The following NEDD4L variants were observed in gnomAD, a reference collection of about 807,000 sequenced individuals.
NEDD4L encodes the protein NEDD4 like E3 ubiquitin protein ligase, also known as E3 ubiquitin-protein ligase NEDD4-like.
In NEDD4L, 54 loss-of-function variants were observed where a neutral mutation model predicts 148.9. The ratio of observed to expected loss-of-function variants is 0.36; its 90% CI spans 0.29 to 0.45. The LOEUF is 0.45. Ranked by LOEUF, NEDD4L falls within the 20% of genes least tolerant of loss-of-function variation. The probability of loss-of-function intolerance (pLI) is 1.00; values close to 1 mark genes in which losing one functional copy is unlikely to be tolerated. For synonymous variants in NEDD4L, 433 were observed against 440.7 expected (o/e 0.98, Z 0.22); for missense variants, 856 against 1,233.8 (o/e 0.69, Z 4.59).
intron 5 of NEDD4L, among the ~76,000 whole-genome samples, chr18:58,252,798 T>C (rs989739565): frequency 3.3e-5 from 5 of 152,172 alleles, no homozygotes; most frequent in African/African-American, 4.8e-5. Flanking sequence ...CGTAGCTCAC[T>C]GTAACCTCAA....
At chr18:58,070,914 TG>T (rs2082838962) in intron 1 of NEDD4L, among the ~76,000 whole-genome samples, 2 of 152,084 alleles carry the variant, frequency 1.3e-5, no homozygotes, top group African/African-American at 4.8e-5. Flanking sequence ...AAACAAACCC[TG>T]GGATGGGGGA....
At chr18:58,260,791 T>C (rs1488825035) in intron 5 of NEDD4L, among the ~76,000 whole-genome samples, 1 of 152,220 alleles carries the variant, frequency 6.6e-6, no homozygotes, top group Non-Finnish European at 1.5e-5. Context: ...CTTCATTTGG[T>C]GTCTTGCAGC....
chr18:58,044,689 A>G lies in NEDD4L; in HGVS notation c.29A>G (p.Tyr10Cys), dbSNP rs760237657. 9 of 1,608,560 alleles carry G rather than the reference A, an allele frequency of 5.6e-6. No homozygotes were observed. Among genetic ancestry groups the G allele is most frequent in the Admixed American group, 3.4e-5 (2 of 59,582 alleles). The stretch of plus-strand genomic sequence containing the variant: ...GCGACCGGGCTCGGGGAGCCGGTCT[A>G]TGGACTTTCCGAAGACGAGGTGAGT... MATGLGEPV[Y>C]GLSEDEGESR... The change falls in exon 1 of 31, where the codon TAT becomes TGT. Residue 10 changes from tyrosine (Y) to cysteine (C), a missense_variant. Around this residue, in one of 4 missense-constraint regions of NEDD4L, gnomAD observed 193 missense variants for 244.2 expected, o/e 0.79. Coordinates refer to ENST00000400345, the MANE Select transcript of NEDD4L (RefSeq NM_001144967.3).
At chr18:58,335,412 C>A in intron 12 of NEDD4L, 66 bp from the exon 13 acceptor site, 1 of 1,314,916 alleles carries the variant, frequency 7.6e-7, no homozygotes, top group Non-Finnish European at 1.1e-6. Flanking sequence ...CAGCAGTGGG[C>A]CCTGATTCAG....
intron 1 of NEDD4L, among the ~76,000 whole-genome samples, chr18:58,070,255 TTTTATTTA>T (rs559040396): frequency 1.3e-5 from 2 of 151,832 alleles, no homozygotes; most frequent in South Asian, 2.1e-4. Flanking sequence ...TTTATTTTTA[TTTTATTTA>T]TTTATTTATT....
rs1466412875 is a variant in NEDD4L, at chr18:58,350,947, C to A, written c.1654-44C>A. ...TTGCCTTTGATTTCAGAACTCCTAG[C>A]TAATGTTTATATTTTCTCTCTCCCT... On this transcript the variant is annotated intron_variant, in intron 17 of 30. Coordinates refer to ENST00000400345, the MANE Select transcript of NEDD4L (RefSeq NM_001144967.3). 2.0e-6 allele frequency: 3 copies of A among 1,472,572 alleles called. No individual in the cohort carries two copies. The South Asian group carries it at 3.6e-5, about 18-fold the overall frequency. The allele number at this position is 1,472,572 out of a possible 1,614,324, so 91.2% of individuals were successfully genotyped here.
At chr18:58,217,532 T>C (rs1336129185) in intron 2 of NEDD4L, among the ~76,000 whole-genome samples, 1 of 152,202 alleles carries the variant, frequency 6.6e-6, no homozygotes, top group Non-Finnish European at 1.5e-5. Flanking sequence ...TGTGGTGCCA[T>C]GGTGTGATTG....
chr18:58,299,896 G>T (rs758547061), intron 5 of NEDD4L, among the ~76,000 whole-genome samples: 6 of 152,152 alleles, frequency 3.9e-5, no homozygotes, highest in Non-Finnish European at 7.3e-5. Flanking sequence ...TTTATGATCT[G>T]CCAGATGTTA....
chr18:58,387,252 C>T (rs1169139107), intron 26 of NEDD4L, among the ~76,000 whole-genome samples, 187 bp from the exon 27 acceptor site: 4 of 152,066 alleles, frequency 2.6e-5, no homozygotes, highest in South Asian at 2.1e-4. Flanking sequence ...TATGCTTTTT[C>T]GAAACTGTTA....
intron 2 of NEDD4L, among the ~76,000 whole-genome samples, chr18:58,180,308 G>C (rs1244093400): frequency 2.0e-5 from 3 of 152,094 alleles, no homozygotes; most frequent in Non-Finnish European, 4.4e-5. Context: ...ATCTGTCTGT[G>C]TGACCCGGGT....
chr18:58,096,256 T>C (rs764729848), intron 1 of NEDD4L, among the ~76,000 whole-genome samples: 1 of 152,018 alleles, frequency 6.6e-6, no homozygotes, highest in Non-Finnish European at 1.5e-5. Context: ...ATTGAATCAA[T>C]TACATTTTCA....
At chr18:58,113,229 C>CTT (rs1184483511) in intron 1 of NEDD4L, among the ~76,000 whole-genome samples, 1 of 152,226 alleles carries the variant, frequency 6.6e-6, no homozygotes, top group Non-Finnish European at 1.5e-5. Flanking sequence ...GGTCAACACA[C>CTT]TTTATTGAGT....
chr18:58,189,545 C>T (rs2039865861), intron 2 of NEDD4L, among the ~76,000 whole-genome samples: 1 of 152,198 alleles, frequency 6.6e-6, no homozygotes, highest in Admixed American at 6.5e-5. Context: ...TGCTGGCAGC[C>T]AGCTTAAGGA....
intron 2 of NEDD4L, 90 bp downstream of exon 2, chr18:58,165,951 A>G: frequency 9.7e-7 from 1 of 1,029,542 alleles, no homozygotes; most frequent in Non-Finnish European, 1.5e-6. Flanking sequence ...CACCTGGAGG[A>G]CTTCTTAAGA....
chr18:58,276,814 C>A (rs2052137745), intron 5 of NEDD4L, among the ~76,000 whole-genome samples: 1 of 151,962 alleles, frequency 6.6e-6, no homozygotes, highest in African/African-American at 2.4e-5. Flanking sequence ...CGCATGATGC[C>A]ATGAGCAAAG....
intron 1 of NEDD4L, among the ~76,000 whole-genome samples, chr18:58,103,681 G>A (rs763353924): frequency 2.0e-5 from 3 of 152,184 alleles, no homozygotes; most frequent in Non-Finnish European, 4.4e-5. Flanking sequence ...GGTGAACGAA[G>A]ATAAAAGTGC....
chr18:58,219,658 A>G (rs181391112), intron 2 of NEDD4L, among the ~76,000 whole-genome samples: 1 of 152,148 alleles, frequency 6.6e-6, no homozygotes, highest in Non-Finnish European at 1.5e-5. Context: ...TCCTGTTCGT[A>G]TAAGGGCACA....
intron 28 of NEDD4L, 151 bp from the exon 29 acceptor site, chr18:58,390,495 G>A (rs1347051125): frequency 1.7e-6 from 1 of 581,710 alleles, no homozygotes; most frequent in East Asian, 2.8e-5. Flanking sequence ...AGCTAGTATT[G>A]TGGCCATAAA....
In NEDD4L at chr18:58,370,256, T is replaced by C. The variant is rs2075404; in HGVS notation, c.2186-141T>C. 0.17 allele frequency: 109,581 copies of C among 633,728 alleles called. 10,394 individuals carry two copies. Among genetic ancestry groups the C allele is most frequent in the South Asian group, 0.28 (14,551 of 51,438 alleles). 39.3% of individuals were successfully genotyped at this position (633,728 alleles called of 1,614,324 possible). A position where few individuals can be genotyped will look rare whatever the true frequency, so the allele number is the denominator to read the frequency against. ...CTCCCCCTGATCTCGCCTCCTCGCTTGTGCAATACTGTAGAAGGCCCTTGG... is the reference window on the plus strand; with the variant it reads ...CTCCCCCTGATCTCGCCTCCTCGCTCGTGCAATACTGTAGAAGGCCCTTGG... On this transcript the variant is annotated intron_variant, in intron 22 of 30. Coordinates refer to ENST00000400345, the MANE Select transcript of NEDD4L (RefSeq NM_001144967.3).
Sources: gnomAD v4.1 joint callset for allele counts (sites outside exome capture counted in the v4.1 genomes callset) on GRCh38, gnomAD v4.1.1 for gene constraint, gnomAD v4.1.1 regional missense constraint, MANE v1.5 for transcripts, NCBI Gene and HGNC (gene_info 2026-07-23, HGNC 2026-07-21) for gene names.